GPHN: variants seen among roughly 807,000 people sequenced by gnomAD.
GPHN encodes the protein gephyrin.
GPHN carries 17 observed loss-of-function variants against 95.5 expected under a neutral mutation model. That is an observed-to-expected ratio of 0.18 (90% CI 0.12 to 0.27). The LOEUF (loss-of-function observed/expected upper bound fraction) is 0.27. GPHN is among the 10% of genes least tolerant of loss of function. GPHN has a pLI of 1.00. For missense variants in GPHN, 660 were observed against 978.1 expected (o/e 0.67, Z 4.34); for synonymous variants, 320 against 322.5 (o/e 0.99, Z 0.08).
intron 8 of GPHN, among the ~76,000 whole-genome samples, chr14:66,929,568 C>G (rs2066667634): frequency 6.6e-6 from 1 of 151,986 alleles, no homozygotes; most frequent in Non-Finnish European, 1.5e-5. Flanking sequence ...TATAAAATGA[C>G]CTTCCTTGTC....
At chr14:67,618,900 CTG>C in the GPHN span, among the ~76,000 whole-genome samples, 1 of 152,184 alleles carries the variant, frequency 6.6e-6, no homozygotes, top group Non-Finnish European at 1.5e-5. Flanking sequence ...GACCTCTGAA[CTG>C]TTTTGGAGAG....
chr14:67,169,197 G>A, intron 21 of GPHN, 161 bp downstream of exon 21: 1 of 647,876 alleles, frequency 1.5e-6, no homozygotes. Context: ...AGGAGAAAGG[G>A]TCCCTTTAAT....
At chr14:66,557,543 C>A (rs1312222335) in intron 1 of GPHN, among the ~76,000 whole-genome samples, 1 of 151,830 alleles carries the variant, frequency 6.6e-6, no homozygotes, top group African/African-American at 2.4e-5. Flanking sequence ...AGAAATATTC[C>A]CTTTTAAGGG....
the GPHN span, among the ~76,000 whole-genome samples, chr14:67,357,009 C>T: frequency 9.8e-4 from 149 of 152,220 alleles, 3 homozygotes; most frequent in Middle Eastern, 0.017. Flanking sequence ...TATTTTCCTC[C>T]TAGGGAATGG....
At chr14:67,260,224 TC>T in the GPHN span, among the ~76,000 whole-genome samples, 1 of 152,212 alleles carries the variant, frequency 6.6e-6, no homozygotes, top group Non-Finnish European at 1.5e-5. Flanking sequence ...ATGAGGACAT[TC>T]CTCTACGGCC....
rs535613043 is a variant in GPHN, at chr14:66,989,510, A to T, written c.963+24185A>T. ...TTAGGTTATCTCATGCCATTATTTA[A>T]TTTCTTTTTTCAACACCTGTACTAC... On this transcript the variant is annotated intron_variant, in intron 9 of 22. Transcript: ENST00000478722. Among the ~76,000 whole-genome samples, 447 of 152,074 alleles carry T rather than the reference A, an allele frequency of 2.9e-3. 3 individuals carry two copies. Among genetic ancestry groups the T allele is most frequent in the African/African-American group, 0.01 (435 of 41,534 alleles).
the GPHN span, chr14:67,387,492 G>T: frequency 6.3e-7 from 1 of 1,593,056 alleles, no homozygotes; most frequent in Non-Finnish European, 8.5e-7. Context: ...ATCAGTGATT[G>T]AATAGCCATG....
At chr14:67,283,813 C>T in the GPHN span, among the ~76,000 whole-genome samples, 2 of 152,182 alleles carry the variant, frequency 1.3e-5, no homozygotes, top group African/African-American at 4.8e-5. Flanking sequence ...CTACATCATT[C>T]AGTCTTTGAC....
At chr14:67,279,343 G>T in the GPHN span, 7 of 1,613,858 alleles carry the variant, frequency 4.3e-6, no homozygotes, top group Non-Finnish European at 5.9e-6. Context: ...CAGTTGGAGC[G>T]TATTCGGCAA....
chr14:67,015,400 A>AT (rs1165364868), intron 9 of GPHN, among the ~76,000 whole-genome samples: 1 of 152,144 alleles, frequency 6.6e-6, no homozygotes, highest in Non-Finnish European at 1.5e-5. Flanking sequence ...TTGTACATAG[A>AT]TTTAAAAAAA....
At chr14:66,748,840 G>A (rs2058260343) in intron 2 of GPHN, among the ~76,000 whole-genome samples, 1 of 151,904 alleles carries the variant, frequency 6.6e-6, no homozygotes, top group Non-Finnish European at 1.5e-5. Flanking sequence ...CTATAAGAAA[G>A]CAAAGATGTC....
At chr14:67,318,705 C>A in the GPHN span, among the ~76,000 whole-genome samples, 2 of 152,116 alleles carry the variant, frequency 1.3e-5, no homozygotes, top group African/African-American at 4.8e-5. Context: ...TATTCCAGGG[C>A]AGTAACTATA....
chr14:67,146,988 G>A (rs1454146056), intron 18 of GPHN, among the ~76,000 whole-genome samples: 3 of 152,248 alleles, frequency 2.0e-5, no homozygotes, highest in Admixed American at 1.3e-4. Flanking sequence ...AGCCAAGATG[G>A]CGCCACTGCA....
the GPHN span, among the ~76,000 whole-genome samples, chr14:67,277,262 G>T: frequency 1.5e-5 from 2 of 137,286 alleles, no homozygotes; most frequent in African/African-American, 5.5e-5. Flanking sequence ...CAGTTAGAAA[G>T]AAGTCAAAAT....
chr14:67,128,735 G>T (rs756283392), intron 17 of GPHN, among the ~76,000 whole-genome samples: 1 of 151,942 alleles, frequency 6.6e-6, no homozygotes, highest in African/African-American at 2.4e-5. Flanking sequence ...AGGAGTTCAA[G>T]ATCAGCCTGG....
At chr14:67,050,089 G>A (rs2075239717) in intron 10 of GPHN, among the ~76,000 whole-genome samples, 1 of 152,130 alleles carries the variant, frequency 6.6e-6, no homozygotes, top group African/African-American at 2.4e-5. Context: ...CAATCCAATA[G>A]CACCACAGTA....
At chr14:66,519,643 GCTGC>G (rs2058393337) in intron 1 of GPHN, among the ~76,000 whole-genome samples, 1 of 151,966 alleles carries the variant, frequency 6.6e-6, no homozygotes, top group Non-Finnish European at 1.5e-5. Flanking sequence ...ATACGTGTTG[GCTGC>G]CTGACCTTGA....
chr14:66,835,909 A>G (rs1471124458), intron 4 of GPHN, among the ~76,000 whole-genome samples: 1 of 150,022 alleles, frequency 6.7e-6, no homozygotes, highest in Admixed American at 6.7e-5. Context: ...CTCTTCAAGG[A>G]GAACTACAAA....
At chr14:67,004,642 T>A (rs968196686) in intron 9 of GPHN, among the ~76,000 whole-genome samples, 1 of 151,764 alleles carries the variant, frequency 6.6e-6, no homozygotes, top group Non-Finnish European at 1.5e-5. Flanking sequence ...CACAGAATAG[T>A]CATGAGTGAG....
Sources: gnomAD v4.1 joint callset for allele counts (sites outside exome capture counted in the v4.1 genomes callset) on GRCh38, gnomAD v4.1.1 for gene constraint, MANE v1.5 for transcripts, NCBI Gene and HGNC (gene_info 2026-07-23, HGNC 2026-07-21) for gene names.